The following OLA1 variants were observed in gnomAD, a reference collection of about 807,000 sequenced individuals.
OLA1 encodes Obg like ATPase 1.
In OLA1, 14 loss-of-function variants were observed where a neutral mutation model predicts 48.4. That is an observed-to-expected ratio of 0.29 (90% CI 0.19 to 0.45). The LOEUF is 0.45. OLA1 is among the 20% of genes least tolerant of loss of function. The pLI, the probability that OLA1 is intolerant of heterozygous loss-of-function variation, is 1.00. For missense variants in OLA1, 325 were observed against 467.1 expected (o/e 0.70, Z 2.80); for synonymous variants, 127 against 150.4 (o/e 0.84, Z 1.14).
chr2:174,226,062 A>G (rs557229353), intron 3 of OLA1, among the ~76,000 whole-genome samples: 1 of 101,970 alleles, frequency 9.8e-6, no homozygotes, highest in African/African-American at 3.4e-5. Context: ...AGCCGGGCGT[A>G]GTGGCGGGCG....
chr2:174,092,808 A>G (rs66486408), intron 7 of OLA1, among the ~76,000 whole-genome samples: 10,698 of 152,260 alleles, frequency 0.07, 513 homozygotes, highest in Middle Eastern at 0.11. Flanking sequence ...AGTGAAAATC[A>G]CAACAGGACC....
intron 5 of OLA1, 54 bp downstream of exon 5, chr2:174,141,771 A>G (rs1427959473): frequency 7.3e-7 from 1 of 1,378,134 alleles, no homozygotes; most frequent in African/African-American, 1.5e-5. Flanking sequence ...TAAAAAATTT[A>G]ATCAAGAAAA....
intron 9 of OLA1, among the ~76,000 whole-genome samples, chr2:174,079,860 T>C (rs1684821537): frequency 6.6e-6 from 1 of 151,964 alleles, no homozygotes; most frequent in Non-Finnish European, 1.5e-5. Flanking sequence ...TGGGTTAATA[T>C]AGCTACTCAC....
intron 2 of OLA1, among the ~76,000 whole-genome samples, chr2:174,243,757 T>A (rs1689062562): frequency 6.6e-6 from 1 of 152,190 alleles, no homozygotes; most frequent in Admixed American, 6.5e-5. Flanking sequence ...ATGTTCAATA[T>A]CTGATTAGCT....
intron 7 of OLA1, among the ~76,000 whole-genome samples, chr2:174,120,176 T>C (rs1181924354): frequency 3.3e-5 from 5 of 152,128 alleles, no homozygotes; most frequent in Non-Finnish European, 7.4e-5. Flanking sequence ...TTGGATGGCA[T>C]ATTCTACTAA....
intron 4 of OLA1, among the ~76,000 whole-genome samples, chr2:174,176,833 T>A (rs1195191285): frequency 6.6e-6 from 1 of 152,204 alleles, no homozygotes; most frequent in Non-Finnish European, 1.5e-5. Flanking sequence ...GATGCTAAAC[T>A]CATCAATTCA....
intron 2 of OLA1, among the ~76,000 whole-genome samples, chr2:174,244,894 A>G (rs1689094029): frequency 6.6e-6 from 1 of 152,150 alleles, no homozygotes; most frequent in Non-Finnish European, 1.5e-5. Context: ...GGCCTCCCAA[A>G]GTGCTGAGAT....
At chr2:174,213,041 G>A (rs1688278952) in intron 4 of OLA1, among the ~76,000 whole-genome samples, 1 of 152,092 alleles carries the variant, frequency 6.6e-6, no homozygotes, top group South Asian at 2.1e-4. Context: ...AACAATTGGT[G>A]ACCAGAACTC....
intron 4 of OLA1, among the ~76,000 whole-genome samples, chr2:174,197,608 C>T (rs866424581): frequency 5.9e-5 from 9 of 152,200 alleles, no homozygotes; most frequent in Non-Finnish European, 8.8e-5. Context: ...TCTAAATGTT[C>T]CTGTACACAA....
At chr2:174,086,580 A>G (rs1322152226) in intron 7 of OLA1, among the ~76,000 whole-genome samples, 2 of 152,160 alleles carry the variant, frequency 1.3e-5, no homozygotes, top group African/African-American at 4.8e-5. Context: ...TCATATACTT[A>G]ATAATGCCTT....
intron 7 of OLA1, among the ~76,000 whole-genome samples, chr2:174,096,503 C>G (rs1258069096): frequency 6.6e-6 from 1 of 152,156 alleles, no homozygotes; most frequent in Non-Finnish European, 1.5e-5. Flanking sequence ...TAATATTCCC[C>G]ACATTATGAT....
intron 4 of OLA1, among the ~76,000 whole-genome samples, chr2:174,203,849 C>T (rs1429299356): frequency 4.0e-5 from 6 of 149,428 alleles, no homozygotes; most frequent in Non-Finnish European, 5.9e-5. Context: ...GGCTGGAGTG[C>T]AACAGCACGA....
chr2:174,244,436 A>T (rs1689082112), intron 2 of OLA1, among the ~76,000 whole-genome samples: 1 of 152,086 alleles, frequency 6.6e-6, no homozygotes, highest in South Asian at 2.1e-4. Context: ...CATTAATTTC[A>T]TTATGCTCTA....
chr2:174,103,565 T>C (rs1376379327), intron 7 of OLA1, among the ~76,000 whole-genome samples: 1 of 152,194 alleles, frequency 6.6e-6, no homozygotes. Context: ...CTAACCAGAA[T>C]AGATTGACTT....
At chr2:174,187,594 T>C (rs1687683452) in intron 4 of OLA1, among the ~76,000 whole-genome samples, 1 of 152,228 alleles carries the variant, frequency 6.6e-6, no homozygotes, top group African/African-American at 2.4e-5. Flanking sequence ...GATTTTGTTA[T>C]TCCTTGGAAA....
intron 7 of OLA1, among the ~76,000 whole-genome samples, chr2:174,104,684 T>G (rs1685475621): frequency 6.6e-6 from 1 of 152,072 alleles, no homozygotes; most frequent in Non-Finnish European, 1.5e-5. Context: ...AACCTGTTTC[T>G]AGAGTAAAAC....
intron 4 of OLA1, among the ~76,000 whole-genome samples, chr2:174,196,067 T>A (rs1687873387): frequency 1.3e-5 from 2 of 152,114 alleles, no homozygotes; most frequent in Admixed American, 1.3e-4. Context: ...TCTCTAAGCA[T>A]CTAGATTGCT....
intron 5 of OLA1, among the ~76,000 whole-genome samples, chr2:174,136,425 C>G (rs867580199): frequency 2.0e-5 from 3 of 152,334 alleles, no homozygotes; most frequent in Middle Eastern, 6.8e-3. Flanking sequence ...CAAGAAACCA[C>G]TTTCTTTGCT....
chr2:174,094,168 A>G (rs1271163737), intron 7 of OLA1, among the ~76,000 whole-genome samples: 2 of 152,240 alleles, frequency 1.3e-5, no homozygotes, highest in East Asian at 3.8e-4. Context: ...TCTTTCTGAG[A>G]CTGGCTGAAA....
Sources: allele counts gnomAD v4.1 joint callset (sites outside exome capture counted in the v4.1 genomes callset), GRCh38; gene constraint gnomAD v4.1.1; transcripts MANE v1.5; gene names NCBI Gene and HGNC (gene_info 2026-07-23, HGNC 2026-07-21).